Variants in XNDC1N observed in about 807,000 individuals in gnomAD.
The protein encoded by XNDC1N is protein XNDC1N.
At chr11:71,870,988 A>T in the XNDC1N span, among the ~76,000 whole-genome samples, 3 of 152,208 alleles carry the variant, frequency 2.0e-5, no homozygotes, top group African/African-American at 7.2e-5. Context: ...GAACAAAAAT[A>T]AAAATAAAAT....
the XNDC1N span, chr11:71,917,594 C>G: frequency 1.4e-6 from 1 of 703,706 alleles, no homozygotes; most frequent in Non-Finnish European, 2.6e-6. Context: ...AGACCACCCC[C>G]ATCTTTTCTG....
chr11:71,904,983 T>C, the XNDC1N span, among the ~76,000 whole-genome samples: 1 of 151,894 alleles, frequency 6.6e-6, no homozygotes, highest in Non-Finnish European at 1.5e-5. Context: ...CCCCCAAGGA[T>C]ATAACGAATA....
chr11:71,887,840 G>A, the XNDC1N span, among the ~76,000 whole-genome samples: 2 of 152,194 alleles, frequency 1.3e-5, no homozygotes, highest in East Asian at 3.9e-4. Context: ...CCCGCCAGCT[G>A]AGGACAGCTG....
the XNDC1N span, among the ~76,000 whole-genome samples, chr11:71,899,449 C>A: frequency 3.9e-5 from 6 of 152,174 alleles, no homozygotes; most frequent in East Asian, 1.9e-4. Context: ...TGGAGAAAGA[C>A]CTGAACTTTC....
the XNDC1N span, among the ~76,000 whole-genome samples, chr11:71,885,080 T>A: frequency 2.7e-4 from 41 of 152,148 alleles, no homozygotes; most frequent in Non-Finnish European, 5.3e-4. Context: ...TTATGAACTG[T>A]TTCACAAACC....
the XNDC1N span, among the ~76,000 whole-genome samples, chr11:71,882,478 G>A: frequency 5.9e-5 from 9 of 152,148 alleles, no homozygotes; most frequent in Admixed American, 1.3e-4. Context: ...TGATCTGCCC[G>A]CCTTGGCCTC....
At chr11:71,909,849 G>A in the XNDC1N span, among the ~76,000 whole-genome samples, 2 of 152,154 alleles carry the variant, frequency 1.3e-5, no homozygotes, top group African/African-American at 2.4e-5. Flanking sequence ...CTATCTCTTT[G>A]ACAGAGCATG....
the XNDC1N span, among the ~76,000 whole-genome samples, chr11:71,896,843 C>T: frequency 8.4e-4 from 128 of 152,338 alleles, 1 homozygote; most frequent in African/African-American, 3.1e-3. Flanking sequence ...GGATTACAGG[C>T]GTGAGCGACT....
the XNDC1N span, among the ~76,000 whole-genome samples, chr11:71,900,281 T>C: frequency 6.6e-5 from 10 of 152,276 alleles, no homozygotes; most frequent in Admixed American, 4.6e-4. Context: ...GGCTCACTGT[T>C]GTTTCTCTAT....
the XNDC1N span, among the ~76,000 whole-genome samples, chr11:71,912,684 G>GA: frequency 2.0e-5 from 3 of 152,194 alleles, no homozygotes; most frequent in South Asian, 6.2e-4. Flanking sequence ...CGTGGGGGAT[G>GA]AACACCCCCT....
chr11:71,899,643 T>A, the XNDC1N span, among the ~76,000 whole-genome samples: 2 of 152,214 alleles, frequency 1.3e-5, no homozygotes, highest in Non-Finnish European at 2.9e-5. Flanking sequence ...ATCGCCATTC[T>A]CTATTCTCAA....
At chr11:71,898,277 G>C in the XNDC1N span, among the ~76,000 whole-genome samples, 1 of 151,458 alleles carries the variant, frequency 6.6e-6, no homozygotes, top group Admixed American at 6.6e-5. Context: ...GATGAACCTT[G>C]AAGACATTAT....
At chr11:71,886,424 C>T in the XNDC1N span, among the ~76,000 whole-genome samples, 16 of 152,010 alleles carry the variant, frequency 1.1e-4, no homozygotes, top group African/African-American at 1.9e-4. Flanking sequence ...GAACAGACCC[C>T]CAGTTGGACC....
chr11:71,883,394 T>C, the XNDC1N span, among the ~76,000 whole-genome samples: 6,837 of 152,216 alleles, frequency 0.045, 521 homozygotes, highest in African/African-American at 0.16. Context: ...AAGATAGACA[T>C]ATAGGCCACT....
At chr11:71,922,609 C>G in the XNDC1N span, among the ~76,000 whole-genome samples, 1 of 152,176 alleles carries the variant, frequency 6.6e-6, no homozygotes, top group Non-Finnish European at 1.5e-5. Flanking sequence ...GTCTAAGGAT[C>G]TCCTTGAAAT....
At chr11:71,878,954 C>A in the XNDC1N span, among the ~76,000 whole-genome samples, 1 of 152,122 alleles carries the variant, frequency 6.6e-6, no homozygotes, top group Non-Finnish European at 1.5e-5. Context: ...CAGCTTAGTT[C>A]ATGCCACTGC....
chr11:71,888,294 G>C, the XNDC1N span, among the ~76,000 whole-genome samples: 1 of 152,176 alleles, frequency 6.6e-6, no homozygotes, highest in East Asian at 1.9e-4. Flanking sequence ...GCCATCTAGC[G>C]GAGCCTAAGA....
the XNDC1N span, among the ~76,000 whole-genome samples, chr11:71,898,891 G>C: frequency 6.6e-6 from 1 of 151,826 alleles, no homozygotes; most frequent in Non-Finnish European, 1.5e-5. Flanking sequence ...TCTATATGAA[G>C]TAATATATAT....
the XNDC1N span, chr11:71,903,800 G>A: frequency 2.8e-6 from 1 of 351,362 alleles, no homozygotes; most frequent in African/African-American, 2.2e-5. Context: ...GTATTTCCCT[G>A]CTGCCGTATT....
Sources: gnomAD v4.1 joint callset for allele counts (sites outside exome capture counted in the v4.1 genomes callset) on GRCh38, gnomAD v4.1.1 for gene constraint, MANE v1.5 for transcripts, NCBI Gene and HGNC (gene_info 2026-07-23, HGNC 2026-07-21) for gene names.